The following ATAD2 variants were observed in gnomAD, a reference collection of about 807,000 sequenced individuals.
ATAD2 encodes the protein ATPase family AAA domain containing 2.
A neutral mutation model predicts 168.9 loss-of-function variants in ATAD2; 62 were observed. The ratio of observed to expected loss-of-function variants is 0.37; its 90% CI spans 0.30 to 0.45. The LOEUF (loss-of-function observed/expected upper bound fraction) is 0.45, where lower values mean the gene tolerates loss of function less well. ATAD2 is among the 20% of genes least tolerant of loss of function. The pLI is 1.00. For synonymous variants in ATAD2, 613 were observed against 571.6 expected, an observed-to-expected ratio of 1.07 and a Z score of -1.03; for missense variants, 1,419 against 1,667.8, an observed-to-expected ratio of 0.85 and a Z score of 2.60.
intron 1 of ATAD2, among the ~76,000 whole-genome samples, chr8:123,395,250 ACTT>A (rs1423559009): frequency 5.3e-5 from 8 of 152,076 alleles, no homozygotes; most frequent in African/African-American, 1.9e-4. Context: ...AGCTTCCCCG[ACTT>A]CTTCAACCTT....
chr8:123,337,934 G>T, intron 20 of ATAD2, 113 bp from the exon 21 acceptor site: 1 of 983,940 alleles, frequency 1.0e-6, no homozygotes, highest in Non-Finnish European at 1.4e-6. Context: ...ATATATGCAA[G>T]GAATCCAAAG....
intron 1 of ATAD2, among the ~76,000 whole-genome samples, chr8:123,385,549 T>TA (rs1229119357): frequency 6.6e-6 from 1 of 152,030 alleles, no homozygotes; most frequent in Non-Finnish European, 1.5e-5. Context: ...AATAAAGAAC[T>TA]AAAAAACAAT....
chr8:123,346,379 GCCAA>G lies in ATAD2; in HGVS notation c.2346-111_2346-108del. 3 of 1,136,642 alleles carry G rather than the reference GCCAA, an allele frequency of 2.6e-6. No homozygotes were observed. In the East Asian group the frequency reaches 8.0e-5, roughly 30 times the overall value. The allele number at this position is 1,136,642 out of a possible 1,614,324, so 70.4% of individuals were successfully genotyped here. The stretch of plus-strand genomic sequence containing the variant: ...ATAAGTAAAAAGTCTTGCCAATAAG[GCCAA>G]CCAATCATAACATGGTTCACATAGT... On this transcript the variant is annotated intron_variant, in intron 17 of 27. Transcript: ENST00000287394.
At position 123,320,707 on chromosome 8, in the gene ATAD2, G is replaced by C. The variant is rs1827443045; in HGVS notation, c.*427C>G. ...GAGGAGGGCATTTGAAGAAAACAAA[G>C]ATGACAAAAAAGATGGGAAGGACAC... is the stretch of plus-strand genomic sequence containing the variant. On this transcript the variant is annotated 3_prime_UTR_variant, in exon 28 of 28. Transcript: ENST00000287394. 1 of 161,980 alleles carries C rather than the reference G, an allele frequency of 6.2e-6. No individual in the cohort carries two copies. The highest frequency in any genetic ancestry group is 1.3e-5 in the Non-Finnish European group (1 of 75,006). The allele number at this position is 161,980 out of a possible 1,614,324, so 10.0% of individuals were successfully genotyped here.
chr8:123,338,349 C>T (rs377626705), intron 20 of ATAD2, among the ~76,000 whole-genome samples: 2 of 149,548 alleles, frequency 1.3e-5, no homozygotes, highest in Admixed American at 6.6e-5. Context: ...AGAGAGACTC[C>T]GTCTCAAGGA....
intron 1 of ATAD2, among the ~76,000 whole-genome samples, chr8:123,414,775 T>C (rs190454718): frequency 1.3e-5 from 2 of 152,304 alleles, no homozygotes; most frequent in East Asian, 1.9e-4. Flanking sequence ...AGGCTAAACC[T>C]GCAAGGTTAG....
In ATAD2 at chr8:123,369,900, TTCTTCA is replaced by T. The variant is rs748815140; in HGVS notation, c.846_851del (p.Asp282_Glu283del). 1.0e-5 allele frequency: 16 copies of T among 1,606,550 alleles called. No individual in the cohort carries two copies. Among genetic ancestry groups the T allele is most frequent in the Non-Finnish European group, 1.3e-5 (15 of 1,176,310 alleles). On this transcript the variant is annotated inframe_deletion, in exon 7 of 28. Coordinates refer to ENST00000287394, the MANE Select transcript of ATAD2 (RefSeq NM_014109.4). Reference sequence around the variant, plus strand: ...GCTTCTGATTCTCTTCTTCTCCATCTTCTTCATCTTCATCATCTTCATCATCATCAT... The same window carrying T: ...GCTTCTGATTCTCTTCTTCTCCATCTTCTTCATCATCTTCATCATCATCAT...
At chr8:123,334,967 G>A (rs1055018585) in intron 22 of ATAD2, among the ~76,000 whole-genome samples, 4 of 152,178 alleles carry the variant, frequency 2.6e-5, no homozygotes, top group African/African-American at 9.7e-5. Context: ...ATTTGGGCCT[G>A]AAGAAAGTCA....
At chr8:123,338,906 A>G (rs367742849) in intron 20 of ATAD2, among the ~76,000 whole-genome samples, 36 of 152,334 alleles carry the variant, frequency 2.4e-4, no homozygotes, top group African/African-American at 7.5e-4. Flanking sequence ...AAATAAAAAT[A>G]AAAGAATAAG....
intron 13 of ATAD2, among the ~76,000 whole-genome samples, chr8:123,355,709 G>A (rs1452790238): frequency 1.3e-5 from 2 of 152,060 alleles, no homozygotes; most frequent in Non-Finnish European, 2.9e-5. Flanking sequence ...TTCAAGTCTG[G>A]GTAAGCTTCT....
intron 8 of ATAD2, among the ~76,000 whole-genome samples, chr8:123,365,634 T>C (rs1317522000): frequency 6.6e-6 from 1 of 151,846 alleles, no homozygotes; most frequent in African/African-American, 2.4e-5. Context: ...AAATAACTGA[T>C]CTTCAACAAA....
At chr8:123,400,310 A>G (rs1812978049), upstream of ATAD2, among the ~76,000 whole-genome samples, 1 of 152,214 alleles carries the variant, frequency 6.6e-6, no homozygotes, top group Non-Finnish European at 1.5e-5. The surrounding 1 kb of genome is among the most constrained non-coding windows in gnomAD (Gnocchi z 4.5). Context: ...CTGAGGTAGG[A>G]AGTCCAAAAT....
At chr8:123,396,105 AC>A (rs1812811729) in intron 1 of ATAD2, 81 bp downstream of exon 1, 10 of 1,404,280 alleles carry the variant, frequency 7.1e-6, no homozygotes, top group Non-Finnish European at 9.3e-6. Context: ...GGCGCCGCCC[AC>A]CCCCAGGCCC....
At chr8:123,340,284 A>G (rs913115990) in intron 19 of ATAD2, among the ~76,000 whole-genome samples, 2 of 152,202 alleles carry the variant, frequency 1.3e-5, no homozygotes, top group African/African-American at 2.4e-5. Flanking sequence ...TAAAAAGCAA[A>G]CAAACAAACA....
At chr8:123,363,732 A>G (rs1828886649) in intron 8 of ATAD2, among the ~76,000 whole-genome samples, 1 of 152,210 alleles carries the variant, frequency 6.6e-6, no homozygotes, top group Non-Finnish European at 1.5e-5. Flanking sequence ...ATTAATAAAA[A>G]AGACTAACAT....
chr8:123,392,948 G>A (rs980251453), intron 1 of ATAD2, among the ~76,000 whole-genome samples: 3 of 152,172 alleles, frequency 2.0e-5, no homozygotes, highest in African/African-American at 7.2e-5. Context: ...ACTTTGGGAG[G>A]CCGAGGAGGG....
intron 5 of ATAD2, 59 bp from the exon 6 acceptor site, chr8:123,371,049 G>C (rs1829136112): frequency 1.6e-5 from 21 of 1,330,558 alleles, no homozygotes. Flanking sequence ...AAAAAATTAA[G>C]TTGGATCCTC....
At chr8:123,361,674 T>C in intron 8 of ATAD2, 28 bp from the exon 9 acceptor site, 1 of 1,562,292 alleles carries the variant, frequency 6.4e-7, no homozygotes, top group South Asian at 1.1e-5. Flanking sequence ...ATTGAAATCA[T>C]GATAAGGAAG....
chr8:123,394,420 G>A (rs193231654), intron 1 of ATAD2, among the ~76,000 whole-genome samples: 6 of 152,224 alleles, frequency 3.9e-5, no homozygotes, highest in East Asian at 1.9e-4. Flanking sequence ...ACCTGAGGTC[G>A]GAGTTCGAGA....
Sources: allele counts gnomAD v4.1 joint callset (sites outside exome capture counted in the v4.1 genomes callset), GRCh38; gene constraint gnomAD v4.1.1; non-coding constraint Gnocchi (gnomAD v3.1); transcripts MANE v1.5; gene names NCBI Gene and HGNC (gene_info 2026-07-23, HGNC 2026-07-21).